The following PAGE2B variants were observed in gnomAD, a reference collection of about 807,000 sequenced individuals.
PAGE2B encodes the protein PAGE family member 2B.
In PAGE2B, 5 loss-of-function variants were observed where a neutral mutation model predicts 7.6. The ratio of observed to expected loss-of-function variants is 0.66; its 90% confidence interval spans 0.34 to 1.38. The LOEUF is 1.38. PAGE2B is among the 40% of genes most tolerant of loss of function. PAGE2B has a pLI of 0.04. For missense variants in PAGE2B, 70 were observed against 78.4 expected, an observed-to-expected ratio of 0.89 and a Z score of 0.41; for synonymous variants, 29 against 26.7, an observed-to-expected ratio of 1.09 and a Z score of -0.27.
At chrX:55,033,006 C>G in the PAGE2B span, among the ~76,000 whole-genome samples, 2 of 111,126 alleles carry the variant, frequency 1.8e-5, no homozygotes, top group Non-Finnish European at 3.8e-5. Context: ...GGATCTTGTT[C>G]CCTCTTCTGG....
At chrX:55,063,282 A>T in the PAGE2B span, among the ~76,000 whole-genome samples, 1 of 110,898 alleles carries the variant, frequency 9.0e-6, no homozygotes. Context: ...GAGATCTTTT[A>T]CTTCTTTGGT....
At chrX:55,042,653 CAAAAAAAAAAAAAA>C in the PAGE2B span, among the ~76,000 whole-genome samples, 14 of 11,860 alleles carry the variant, frequency 1.2e-3, no homozygotes, top group African/African-American at 3.5e-3. Flanking sequence ...GACTCCGTCT[CAAAAAAAAAAAAAA>C]AAAAAAAAAA....
chrX:55,067,612 C>T, the PAGE2B span, among the ~76,000 whole-genome samples: 6 of 111,581 alleles, frequency 5.4e-5, no homozygotes, highest in African/African-American at 2.0e-4. Flanking sequence ...AGCTCTAGAA[C>T]CTTGAGGAAT....
the PAGE2B span, among the ~76,000 whole-genome samples, chrX:55,047,812 T>G: frequency 6.4e-3 from 720 of 112,233 alleles, 5 homozygotes; most frequent in African/African-American, 0.022. Flanking sequence ...AGAAGCTCTT[T>G]AGTTGAATTA....
the PAGE2B span, among the ~76,000 whole-genome samples, chrX:55,062,454 T>C: frequency 1.6e-4 from 18 of 112,163 alleles, no homozygotes; most frequent in African/African-American, 5.5e-4. Flanking sequence ...CGATTAGATT[T>C]ATTTCCTATA....
the PAGE2B span, among the ~76,000 whole-genome samples, chrX:55,043,687 G>A: frequency 2.7e-5 from 3 of 111,146 alleles, no homozygotes; most frequent in Admixed American, 2.9e-4. Flanking sequence ...AAATAATAGG[G>A]CCGGGCGCAG....
At chrX:55,050,488 G>A in the PAGE2B span, among the ~76,000 whole-genome samples, 1 of 109,602 alleles carries the variant, frequency 9.1e-6, no homozygotes, top group Non-Finnish European at 1.9e-5. Context: ...GAATCTGGGT[G>A]CTCCTGTATT....
At chrX:55,056,607 A>T in the PAGE2B span, among the ~76,000 whole-genome samples, 69 of 110,455 alleles carry the variant, frequency 6.2e-4, no homozygotes, top group African/African-American at 2.2e-3. Flanking sequence ...CCTGGGGGTG[A>T]TTTAAAGTAA....
chrX:55,062,039 A>G, the PAGE2B span, among the ~76,000 whole-genome samples: 93 of 111,951 alleles, frequency 8.3e-4, no homozygotes, highest in Non-Finnish European at 1.5e-3. Flanking sequence ...GATATTGAGA[A>G]TAGTGCTGCT....
the PAGE2B span, among the ~76,000 whole-genome samples, chrX:55,047,929 T>A: frequency 1.8e-5 from 2 of 112,119 alleles, no homozygotes; most frequent in Non-Finnish European, 3.8e-5. Flanking sequence ...GGTTTTCTTC[T>A]AGGGTTTTTA....
the PAGE2B span, among the ~76,000 whole-genome samples, chrX:55,037,104 G>C: frequency 3.6e-5 from 4 of 111,461 alleles, no homozygotes; most frequent in Admixed American, 1.9e-4. Context: ...TACCATCAGG[G>C]CGAACAGGCA....
the PAGE2B span, among the ~76,000 whole-genome samples, chrX:55,038,584 G>C: frequency 9.0e-6 from 1 of 111,516 alleles, no homozygotes; most frequent in Non-Finnish European, 1.9e-5. Flanking sequence ...TGGCACATGA[G>C]GGTTTAGCTG....
At chrX:55,051,903 G>A in the PAGE2B span, among the ~76,000 whole-genome samples, 3 of 111,329 alleles carry the variant, frequency 2.7e-5, no homozygotes, top group Non-Finnish European at 5.7e-5. Flanking sequence ...TAGAGTTTCC[G>A]GTTTTTCTGC....
chrX:55,061,310 G>A, the PAGE2B span, among the ~76,000 whole-genome samples: 3 of 111,086 alleles, frequency 2.7e-5, no homozygotes, highest in Admixed American at 9.6e-5. Flanking sequence ...GTTATGCGTC[G>A]TAGGGGTTGG....
the PAGE2B span, chrX:55,054,857 G>A: frequency 9.0e-6 from 1 of 111,540 alleles, no homozygotes; most frequent in Non-Finnish European, 1.9e-5. Context: ...AAGGATCTTC[G>A]ATATGCACAA....
At chrX:55,059,273 C>G in the PAGE2B span, among the ~76,000 whole-genome samples, 1 of 110,940 alleles carries the variant, frequency 9.0e-6, no homozygotes, top group African/African-American at 3.3e-5. Flanking sequence ...CTTACATAGT[C>G]TTTCTTCTGT....
upstream of PAGE2B, among the ~76,000 whole-genome samples, chrX:55,074,770 A>C (rs181261344): frequency 1.8e-5 from 2 of 112,657 alleles, no homozygotes; most frequent in African/African-American, 6.4e-5. Flanking sequence ...TATTAGAGTA[A>C]CCTGGGGCTC....
At chrX:55,049,757 G>T in the PAGE2B span, among the ~76,000 whole-genome samples, 2 of 111,065 alleles carry the variant, frequency 1.8e-5, no homozygotes, top group East Asian at 5.6e-4. Flanking sequence ...CAAAAAACCA[G>T]CTCCTAGATT....
the PAGE2B span, chrX:55,030,795 A>G: frequency 7.0e-5 from 12 of 171,608 alleles, no homozygotes; most frequent in Middle Eastern, 6.2e-3. Flanking sequence ...GACATGGGAG[A>G]TAAAAAGAAA....
Sources: allele counts gnomAD v4.1 joint callset (sites outside exome capture counted in the v4.1 genomes callset), GRCh38; gene constraint gnomAD v4.1.1; transcripts MANE v1.5; gene names NCBI Gene and HGNC (gene_info 2026-07-23, HGNC 2026-07-21).